SHISA6: variants seen among roughly 807,000 people sequenced by gnomAD.
The protein encoded by SHISA6 is protein shisa-6.
A neutral mutation model predicts 47.9 loss-of-function variants in SHISA6; 22 were observed. The ratio of observed to expected loss-of-function variants is 0.46; its 90% CI spans 0.33 to 0.66. The LOEUF (loss-of-function observed/expected upper bound fraction) is 0.66. SHISA6 is among the 30% of genes least tolerant of loss of function. The pLI, the probability that SHISA6 is intolerant of heterozygous loss-of-function variation, is 0.02. For missense variants in SHISA6, 680 were observed against 764.6 expected (o/e 0.89, Z 1.30); for synonymous variants, 388 against 337.8 (o/e 1.15, Z -1.63).
intron 3 of SHISA6, among the ~76,000 whole-genome samples, chr17:11,473,477 TAGA>T (rs1455689846): frequency 2.0e-5 from 3 of 151,846 alleles, no homozygotes; most frequent in Non-Finnish European, 1.5e-5. Context: ...GGCAGAAGAG[TAGA>T]AGGGCAAAGA....
At chr17:11,456,473 G>A (rs1039567979) in intron 3 of SHISA6, among the ~76,000 whole-genome samples, 2 of 152,198 alleles carry the variant, frequency 1.3e-5, no homozygotes, top group Non-Finnish European at 1.5e-5. Flanking sequence ...GTTCTAGCCT[G>A]GATTCTGCCA....
intron 3 of SHISA6, among the ~76,000 whole-genome samples, chr17:11,513,273 A>G (rs2071556976): frequency 6.6e-6 from 1 of 151,676 alleles, no homozygotes. Context: ...ATACATACAT[A>G]TATATATACA....
At chr17:11,296,936 C>T (rs1213223983) in intron 2 of SHISA6, among the ~76,000 whole-genome samples, 2 of 152,078 alleles carry the variant, frequency 1.3e-5, no homozygotes, top group African/African-American at 2.4e-5. Context: ...GATTAGAGAA[C>T]GGAGGATACC....
At chr17:11,500,874 G>T (rs2071446643) in intron 3 of SHISA6, among the ~76,000 whole-genome samples, 4 of 152,132 alleles carry the variant, frequency 2.6e-5, no homozygotes, top group Admixed American at 6.5e-5. Flanking sequence ...AGGCAGAAAG[G>T]TTGTTTTTTC....
chr17:11,501,541 A>G (rs2071453705), intron 3 of SHISA6, among the ~76,000 whole-genome samples: 1 of 152,190 alleles, frequency 6.6e-6, no homozygotes, highest in South Asian at 2.1e-4. Flanking sequence ...GAAAAGACCA[A>G]GGCATGACTT....
At chr17:11,455,035 G>A (rs1915499266) in intron 3 of SHISA6, among the ~76,000 whole-genome samples, 1 of 152,124 alleles carries the variant, frequency 6.6e-6, no homozygotes, top group Admixed American at 6.5e-5. Flanking sequence ...TGGGCGTGGT[G>A]GTGAGCACCT....
chr17:11,295,347 C>T (rs1284654830), intron 2 of SHISA6, among the ~76,000 whole-genome samples: 2 of 152,084 alleles, frequency 1.3e-5, no homozygotes, highest in African/African-American at 4.8e-5. Context: ...AGTCTCAGGC[C>T]CATGATGGAT....
At chr17:11,367,420 C>T (rs1912490239) in intron 2 of SHISA6, among the ~76,000 whole-genome samples, 1 of 152,120 alleles carries the variant, frequency 6.6e-6, no homozygotes, top group Non-Finnish European at 1.5e-5. Context: ...GAGGCAAGGT[C>T]ATGAGTTGAA....
chr17:11,303,785 G>A (rs1343033469), intron 2 of SHISA6, among the ~76,000 whole-genome samples: 7 of 152,150 alleles, frequency 4.6e-5, no homozygotes, highest in Admixed American at 2.0e-4. Flanking sequence ...ATAAAAGCTC[G>A]TTGTAAGGAT....
intron 3 of SHISA6, among the ~76,000 whole-genome samples, chr17:11,520,143 C>G (rs764971611): frequency 3.3e-5 from 5 of 152,150 alleles, no homozygotes; most frequent in Non-Finnish European, 7.3e-5. Context: ...ACTCCAGAAT[C>G]ATAAATTCTA....
intron 3 of SHISA6, among the ~76,000 whole-genome samples, chr17:11,416,311 C>T (rs933808968): frequency 1.3e-5 from 2 of 152,302 alleles, no homozygotes; most frequent in Middle Eastern, 3.4e-3. Flanking sequence ...TTGTTTACTG[C>T]AAGGCATATT....
intron 3 of SHISA6, among the ~76,000 whole-genome samples, chr17:11,401,228 C>T (rs1913762288): frequency 6.6e-6 from 1 of 152,156 alleles, no homozygotes; most frequent in Admixed American, 6.5e-5. Flanking sequence ...TGGGGTCTCA[C>T]TCTGTCACCC....
chr17:11,280,439 C>T (rs1307875509), intron 2 of SHISA6, among the ~76,000 whole-genome samples: 2 of 152,226 alleles, frequency 1.3e-5, no homozygotes, highest in Admixed American at 6.5e-5. Flanking sequence ...ATGTAGGCGT[C>T]TGGCGAGAGA....
At chr17:11,414,889 C>T (rs771840654) in intron 3 of SHISA6, among the ~76,000 whole-genome samples, 1 of 151,646 alleles carries the variant, frequency 6.6e-6, no homozygotes, top group Non-Finnish European at 1.5e-5. Context: ...AGTTTGAGAC[C>T]AGCCTGGCCA....
At chr17:11,339,313 G>T (rs1437437313) in intron 2 of SHISA6, among the ~76,000 whole-genome samples, 1 of 152,056 alleles carries the variant, frequency 6.6e-6, no homozygotes, top group East Asian at 1.9e-4. Context: ...TACACACCCT[G>T]GTCAAATTGT....
At chr17:11,310,260 T>C (rs1368361938) in intron 2 of SHISA6, among the ~76,000 whole-genome samples, 1 of 152,198 alleles carries the variant, frequency 6.6e-6, no homozygotes, top group African/African-American at 2.4e-5. Flanking sequence ...ACTACCAGAA[T>C]GAGCAAAATC....
Position 11,558,676 on chromosome 17 carries a change from G to C in SHISA6, c.*372G>C. On this transcript the variant is annotated 3_prime_UTR_variant, in exon 6 of 6. Transcript: ENST00000441885. ...TCTGTCAGCAGAGAGACCCTTGCTTGACTGTGGTCTGAAGCTGCCTGGGTT... is the reference window on the plus strand; with the variant it reads ...TCTGTCAGCAGAGAGACCCTTGCTTCACTGTGGTCTGAAGCTGCCTGGGTT... The C allele has an allele frequency of 1.0e-5, 3 of 292,122 alleles. No individual in the cohort carries two copies. In the South Asian group the frequency reaches 1.5e-4, roughly 14 times the overall value. 18.1% of individuals were successfully genotyped at this position (292,122 alleles called of 1,614,324 possible). A position where few individuals can be genotyped will look rare whatever the true frequency, so the allele number is the denominator to read the frequency against.
At chr17:11,450,995 T>TAAA (rs757372845) in intron 3 of SHISA6, among the ~76,000 whole-genome samples, 12 of 123,074 alleles carry the variant, frequency 9.8e-5, no homozygotes, top group Middle Eastern at 4.2e-3. Flanking sequence ...AATAGAAAAT[T>TAAA]AAAAAAAAAA....
intron 2 of SHISA6, among the ~76,000 whole-genome samples, chr17:11,287,235 GGGAA>G (rs944303272): frequency 3.4e-4 from 50 of 146,316 alleles, no homozygotes; most frequent in African/African-American, 1.0e-3. Flanking sequence ...AAAGAAAGAA[GGGAA>G]GGAAGGAAGG....
Sources: gnomAD v4.1 joint callset for allele counts (sites outside exome capture counted in the v4.1 genomes callset) on GRCh38, gnomAD v4.1.1 for gene constraint, MANE v1.5 for transcripts, NCBI Gene and HGNC (gene_info 2026-07-23, HGNC 2026-07-21) for gene names.